PPP3CA: variants seen among roughly 807,000 people sequenced by gnomAD.
PPP3CA encodes the protein protein phosphatase 3 catalytic subunit alpha.
Under a neutral mutation model 66.5 loss-of-function variants are expected in PPP3CA, and 14 were observed. The ratio of observed to expected loss-of-function variants is 0.21; its 90% CI spans 0.14 to 0.33. The LOEUF (loss-of-function observed/expected upper bound fraction) is 0.33. Among genes scored for constraint, PPP3CA ranks in the 10% least tolerant of loss-of-function variants. The pLI is 1.00. For synonymous variants in PPP3CA, 232 were observed against 226.2 expected, an observed-to-expected ratio of 1.03 and a Z score of -0.23; for missense variants, 317 against 639.5, an observed-to-expected ratio of 0.50 and a Z score of 5.44.
intron 1 of PPP3CA, among the ~76,000 whole-genome samples, chr4:101,262,463 A>G (rs1350884586): frequency 1.3e-5 from 2 of 152,166 alleles, no homozygotes; most frequent in African/African-American, 4.8e-5. Context: ...GGAAAAGAAT[A>G]CTTAGCAACA....
At chr4:101,157,188 C>T (rs1166917231) in intron 2 of PPP3CA, among the ~76,000 whole-genome samples, 10 of 152,110 alleles carry the variant, frequency 6.6e-5, no homozygotes, top group Non-Finnish European at 2.9e-5. Flanking sequence ...GTCCTATTCT[C>T]ACTTAGTAAG....
chr4:101,046,800 C>T (rs2695196), intron 10 of PPP3CA, among the ~76,000 whole-genome samples: 37,852 of 151,912 alleles, frequency 0.25, 6,346 homozygotes, highest in East Asian at 0.85. Context: ...TGAATAAAAC[C>T]TCTTGATGAA....
chr4:101,073,537 A>C (rs1002806630), intron 8 of PPP3CA, among the ~76,000 whole-genome samples: 4 of 152,070 alleles, frequency 2.6e-5, no homozygotes, highest in African/African-American at 9.7e-5. Flanking sequence ...AGCCTCTCAA[A>C]GTGCTGGGAT....
chr4:101,316,562 G>T (rs1728891352), intron 1 of PPP3CA, among the ~76,000 whole-genome samples: 1 of 152,080 alleles, frequency 6.6e-6, no homozygotes, highest in Admixed American at 6.5e-5. Flanking sequence ...GCTAAGTTCT[G>T]CCAGTAGAAG....
intron 2 of PPP3CA, among the ~76,000 whole-genome samples, chr4:101,160,030 A>G (rs1342576983): frequency 6.6e-6 from 1 of 152,212 alleles, no homozygotes; most frequent in Non-Finnish European, 1.5e-5. Context: ...CATCATTATA[A>G]TAATCAAGCT....
rs375280141 is a variant in PPP3CA at position 101,139,332 on chromosome 4, A to G, written c.260-30254T>C. Among the ~76,000 whole-genome samples the G allele has an allele frequency of 2.9e-5, 4 of 139,448 alleles. No individual in the cohort carries two copies. The East Asian group carries it at 6.4e-4, about 22-fold the overall frequency. 91.5% of individuals were successfully genotyped at this position (139,448 alleles called of 152,430 possible). ...ACTGCACTCCAAGCCTGGGTGACAG[A>G]GTGAGACTCCGTCTCAAAAAAAAAA... On this transcript the variant is annotated intron_variant, in intron 2 of 13. Transcript: ENST00000394854.
chr4:101,164,745 G>T (rs1405263438), intron 2 of PPP3CA, among the ~76,000 whole-genome samples: 1 of 151,926 alleles, frequency 6.6e-6, no homozygotes, highest in African/African-American at 2.4e-5. Context: ...GGGCAGTGAG[G>T]ATCAGATGAA....
intron 2 of PPP3CA, among the ~76,000 whole-genome samples, chr4:101,184,552 T>C (rs1460664973): frequency 6.6e-6 from 1 of 152,196 alleles, no homozygotes; most frequent in Admixed American, 6.5e-5. Context: ...TGATTACATG[T>C]TGAAATGAAA....
At chr4:101,188,588 G>T (rs571353556) in intron 2 of PPP3CA, among the ~76,000 whole-genome samples, 3 of 151,992 alleles carry the variant, frequency 2.0e-5, no homozygotes, top group Non-Finnish European at 4.4e-5. Flanking sequence ...TTTAGATATG[G>T]ATTTACATAT....
intron 2 of PPP3CA, among the ~76,000 whole-genome samples, chr4:101,160,292 A>C (rs1437962815): frequency 2.0e-5 from 3 of 152,162 alleles, no homozygotes; most frequent in Non-Finnish European, 4.4e-5. Flanking sequence ...CACTGATATA[A>C]GTCATTCTAG....
intron 2 of PPP3CA, among the ~76,000 whole-genome samples, chr4:101,189,709 A>AAC (rs1442521443): frequency 2.0e-5 from 3 of 150,322 alleles, no homozygotes; most frequent in African/African-American, 7.3e-5. Context: ...AAAAAACAAA[A>AAC]CCAAAAGAAC....
At chr4:101,239,861 AC>A (rs1188612323) in intron 1 of PPP3CA, among the ~76,000 whole-genome samples, 1 of 151,674 alleles carries the variant, frequency 6.6e-6, no homozygotes, top group African/African-American at 2.4e-5. Flanking sequence ...AAGGCATCTC[AC>A]TCTTTAGATA....
At chr4:101,239,122 T>C (rs1279388720) in intron 1 of PPP3CA, among the ~76,000 whole-genome samples, 1 of 152,128 alleles carries the variant, frequency 6.6e-6, no homozygotes. Context: ...TTTTTGCCAA[T>C]AGTAGTAAAG....
intron 2 of PPP3CA, among the ~76,000 whole-genome samples, chr4:101,124,714 AAAGAAAGAAAG>A (rs1722159713): frequency 1.1e-5 from 1 of 90,998 alleles, no homozygotes; most frequent in African/African-American, 4.3e-5. Flanking sequence ...AGAAAGAAAG[AAAGAAAGAAAG>A]AGAAAGAAAG....
intron 1 of PPP3CA, among the ~76,000 whole-genome samples, chr4:101,203,480 G>A (rs997893109): frequency 6.6e-6 from 1 of 152,096 alleles, no homozygotes; most frequent in Non-Finnish European, 1.5e-5. Flanking sequence ...GGGCGACAGA[G>A]CAAGACTCCA....
chr4:101,271,415 C>T (rs1296103064), intron 1 of PPP3CA, among the ~76,000 whole-genome samples: 1 of 152,048 alleles, frequency 6.6e-6, no homozygotes, highest in African/African-American at 2.4e-5. Context: ...TTAATACTGA[C>T]TGTAAGTGTA....
chr4:101,055,036 A>G (rs779471918), intron 10 of PPP3CA, among the ~76,000 whole-genome samples: 6 of 152,070 alleles, frequency 3.9e-5, no homozygotes, highest in Non-Finnish European at 8.8e-5. Context: ...CTGGTGAGTG[A>G]GACTTATCAC....
intron 2 of PPP3CA, among the ~76,000 whole-genome samples, chr4:101,194,067 GTAACTTACAGAGTAAGTCTCTGGCT>G (rs1205392429): frequency 6.6e-6 from 1 of 152,136 alleles, no homozygotes; most frequent in Non-Finnish European, 1.5e-5. Context: ...TTATCGGTCA[GTAACTTACAGAGTAAGTCTCTGGCT>G]TGACTTACTC....
chr4:101,158,390 A>G (rs558611027), intron 2 of PPP3CA: 5 of 152,348 alleles, frequency 3.3e-5, no homozygotes, highest in African/African-American at 1.2e-4. Flanking sequence ...AGAAAAGTTG[A>G]AGCAGTGTGC....
Sources: gnomAD v4.1 joint callset for allele counts (sites outside exome capture counted in the v4.1 genomes callset) on GRCh38, gnomAD v4.1.1 for gene constraint, MANE v1.5 for transcripts, NCBI Gene and HGNC (gene_info 2026-07-23, HGNC 2026-07-21) for gene names.